The following ADARB2 variants were observed in gnomAD, a reference collection of about 807,000 sequenced individuals.
The protein encoded by ADARB2 is adenosine deaminase RNA specific B2 (inactive), also known as inactive double-stranded RNA-specific editase B2.
In ADARB2, 25 loss-of-function variants were observed where a neutral mutation model predicts 62.2. The ratio of observed to expected loss-of-function variants is 0.40; its 90% confidence interval spans 0.29 to 0.56. ADARB2 has a LOEUF of 0.56. Among genes scored for constraint, ADARB2 ranks in the 20% least tolerant of loss-of-function variants. ADARB2 has a pLI of 0.43. For synonymous variants in ADARB2, 572 were observed against 500.8 expected, an observed-to-expected ratio of 1.14 and a Z score of -1.90; for missense variants, 1,071 against 1,077.4, an observed-to-expected ratio of 0.99 and a Z score of 0.08.
intron 1 of ADARB2, among the ~76,000 whole-genome samples, chr10:1,650,282 T>A (rs112539587): frequency 6.6e-6 from 1 of 152,206 alleles, no homozygotes; most frequent in African/African-American, 2.4e-5. Flanking sequence ...TTAACCTTGG[T>A]TGATGTCACT....
intron 1 of ADARB2, among the ~76,000 whole-genome samples, chr10:1,407,504 G>T (rs2131876529): frequency 6.6e-6 from 1 of 152,324 alleles, no homozygotes; most frequent in South Asian, 2.1e-4. Context: ...GGTTGAGAGA[G>T]ACTCAGAGGC....
At chr10:1,559,719 A>C (rs1204620595) in intron 1 of ADARB2, among the ~76,000 whole-genome samples, 1 of 152,220 alleles carries the variant, frequency 6.6e-6, no homozygotes, top group Non-Finnish European at 1.5e-5. Flanking sequence ...CCCTCGGTTG[A>C]CTGATGATTT....
At chr10:1,502,091 C>G (rs1038804189) in intron 1 of ADARB2, among the ~76,000 whole-genome samples, 1 of 152,194 alleles carries the variant, frequency 6.6e-6, no homozygotes, top group Non-Finnish European at 1.5e-5. Flanking sequence ...GGTAAACTGG[C>G]AAGGAAGGAT....
At chr10:1,726,100 C>A (rs1453624146) in intron 1 of ADARB2, among the ~76,000 whole-genome samples, 1 of 152,244 alleles carries the variant, frequency 6.6e-6, no homozygotes, top group Non-Finnish European at 1.5e-5. Flanking sequence ...GGGTAAGGAT[C>A]TCTGCCCAAC....
intron 1 of ADARB2, among the ~76,000 whole-genome samples, chr10:1,544,607 G>A (rs1489398889): frequency 6.6e-6 from 1 of 152,124 alleles, no homozygotes; most frequent in Non-Finnish European, 1.5e-5. Flanking sequence ...CCTGGACAGG[G>A]GGTACAGGGG....
intron 6 of ADARB2, among the ~76,000 whole-genome samples, chr10:1,227,720 G>C (rs933105657): frequency 6.6e-6 from 1 of 152,210 alleles, no homozygotes; most frequent in Non-Finnish European, 1.5e-5. Context: ...ACCATCACAA[G>C]GGGGAGAGAG....
At chr10:1,493,517 G>A (rs1176505926) in intron 1 of ADARB2, among the ~76,000 whole-genome samples, 1 of 152,058 alleles carries the variant, frequency 6.6e-6, no homozygotes, top group East Asian at 1.9e-4. Context: ...GAATCAGAAA[G>A]TGCAAGTTCA....
intron 1 of ADARB2, among the ~76,000 whole-genome samples, chr10:1,531,859 G>A (rs1457705155): frequency 6.6e-6 from 1 of 151,434 alleles, no homozygotes; most frequent in Non-Finnish European, 1.5e-5. Flanking sequence ...AAAAAAAATA[G>A]TGCCCTAGAA....
chr10:1,615,709 G>A (rs1833623239), intron 1 of ADARB2, among the ~76,000 whole-genome samples: 1 of 152,190 alleles, frequency 6.6e-6, no homozygotes, highest in South Asian at 2.1e-4. Flanking sequence ...TGGAGAAGAT[G>A]GCCATGCTTC....
intron 3 of ADARB2, among the ~76,000 whole-genome samples, chr10:1,309,653 G>A (rs1344337738): frequency 6.6e-6 from 1 of 152,242 alleles, no homozygotes; most frequent in Non-Finnish European, 1.5e-5. Flanking sequence ...AGCCTCCCTG[G>A]TTCAGGGCCT....
chr10:1,390,183 T>C (rs1225947905), intron 1 of ADARB2, among the ~76,000 whole-genome samples: 2 of 152,360 alleles, frequency 1.3e-5, no homozygotes, highest in East Asian at 3.9e-4. Flanking sequence ...AAAAGCATTA[T>C]GCTGAGCAAA....
intron 1 of ADARB2, among the ~76,000 whole-genome samples, chr10:1,425,579 G>A (rs1161691217): frequency 6.6e-6 from 1 of 152,244 alleles, no homozygotes; most frequent in African/African-American, 2.4e-5. Context: ...GCACCGCGGT[G>A]TGGGAGCCTG....
chr10:1,554,046 C>T (rs953415890), intron 1 of ADARB2, among the ~76,000 whole-genome samples: 1 of 152,220 alleles, frequency 6.6e-6, no homozygotes, highest in African/African-American at 2.4e-5. Flanking sequence ...CTCAGGGGGC[C>T]TGGGTCCCAC....
chr10:1,279,755 C>T (rs1831353882), intron 3 of ADARB2, among the ~76,000 whole-genome samples: 1 of 152,306 alleles, frequency 6.6e-6, no homozygotes, highest in African/African-American at 2.4e-5. Context: ...CTCTTTCTCT[C>T]TCTTGGAAAG....
chr10:1,225,594 T>C (rs1224040695), intron 6 of ADARB2, among the ~76,000 whole-genome samples: 3 of 152,208 alleles, frequency 2.0e-5, no homozygotes, highest in Admixed American at 6.5e-5. Flanking sequence ...GGAGTTCTTG[T>C]AGGGCAGGCC....
intron 3 of ADARB2, among the ~76,000 whole-genome samples, chr10:1,313,828 G>C (rs566612853): frequency 6.6e-6 from 1 of 152,244 alleles, no homozygotes; most frequent in Non-Finnish European, 1.5e-5. Flanking sequence ...TTCTGAGGTT[G>C]TATGGACTCC....
intron 1 of ADARB2, among the ~76,000 whole-genome samples, chr10:1,395,528 T>A (rs969345768): frequency 7.2e-5 from 11 of 152,208 alleles, no homozygotes; most frequent in African/African-American, 2.7e-4. Context: ...GGGGCAGTGA[T>A]GGGCCGCCAG....
chr10:1,552,091 C>T (rs964155792), intron 1 of ADARB2, among the ~76,000 whole-genome samples: 2 of 152,202 alleles, frequency 1.3e-5, no homozygotes, highest in Admixed American at 1.3e-4. Context: ...CCATACAGTC[C>T]CAATCCTGCC....
intron 1 of ADARB2, among the ~76,000 whole-genome samples, chr10:1,481,928 G>C (rs1484959383): frequency 1.3e-5 from 2 of 151,740 alleles, no homozygotes; most frequent in Non-Finnish European, 2.9e-5. Flanking sequence ...TTAAAAACTG[G>C]CAAAAGATTT....
Sources: gnomAD v4.1 joint callset for allele counts (sites outside exome capture counted in the v4.1 genomes callset) on GRCh38, gnomAD v4.1.1 for gene constraint, MANE v1.5 for transcripts, NCBI Gene and HGNC (gene_info 2026-07-23, HGNC 2026-07-21) for gene names.